Variants in LMX1B observed in about 807,000 individuals in gnomAD.
The protein encoded by LMX1B is LIM homeobox transcription factor 1 beta.
LMX1B carries 12 observed loss-of-function variants against 51.4 expected under a neutral mutation model. That is an observed-to-expected ratio of 0.23 (90% CI 0.15 to 0.38). The LOEUF is 0.38. Ranked by LOEUF, LMX1B falls within the 10% of genes least tolerant of loss-of-function variation. LMX1B has a pLI of 1.00. For synonymous variants in LMX1B, 237 were observed against 235.4 expected (o/e 1.01, Z -0.06); for missense variants, 445 against 571.1 (o/e 0.78, Z 2.25).
rs949725982 is a variant in LMX1B, at chr9:126,695,418, C to T, written c.887-421C>T. 2.0e-5 allele frequency among the ~76,000 whole-genome samples: 3 copies of T among 152,226 alleles called. No individual in the cohort carries two copies. Among genetic ancestry groups the T allele is most frequent in the Non-Finnish European group, 2.9e-5 (2 of 68,046 alleles). The stretch of plus-strand genomic sequence containing the variant: ...TGCCGCCCCTCAGCCTGGCTTGCCT[C>T]CCCTGCTCTGGCCTGTTGAGCCCCT... On this transcript the variant is annotated intron_variant, in intron 6 of 7. Transcript: ENST00000373474. This position sits in a 1 kb window ranked among gnomAD's most constrained non-coding sequence, Gnocchi z 5.2.
chr9:126,623,253 G>A (rs376504045), intron 2 of LMX1B, among the ~76,000 whole-genome samples: 2 of 152,204 alleles, frequency 1.3e-5, no homozygotes, highest in Admixed American at 1.3e-4. Flanking sequence ...GCTGCTCCTC[G>A]GAGCCAAGGC....
At chr9:126,638,253 A>G (rs2118875189) in intron 2 of LMX1B, among the ~76,000 whole-genome samples, 2 of 152,208 alleles carry the variant, frequency 1.3e-5, no homozygotes, top group South Asian at 4.2e-4. Flanking sequence ...GTGCCCTCCC[A>G]GGTGCACCTG....
Position 126,614,575 on chromosome 9 carries a change from G to A in LMX1B, c.126G>A (p.Leu42=), listed in dbSNP as rs1323440371. 2 of 1,601,140 alleles carry A rather than the reference G, an allele frequency of 1.2e-6. No individual in the cohort carries two copies. Among genetic ancestry groups the A allele is most frequent in the South Asian group, 1.1e-5 (1 of 89,286 alleles). Residue 42 remains leucine (L), a synonymous_variant, in exon 1 of 8, where the codon CTG becomes CTA. Transcript: ENST00000373474. Reference sequence around the variant, plus strand: ...CCCTGCGCCCCGGGCCCGCCACTCTGGGGGTGCTGCTGGGTGAGTGCGGGG... The same window carrying A: ...CCCTGCGCCCCGGGCCCGCCACTCTAGGGGTGCTGCTGGGTGAGTGCGGGG... ...EHALRPGPAT[L]GVLLGSDCPH...
intron 2 of LMX1B, among the ~76,000 whole-genome samples, chr9:126,632,138 C>G (rs957866459): frequency 2.0e-5 from 3 of 152,218 alleles, no homozygotes; most frequent in African/African-American, 7.2e-5. Flanking sequence ...ACGTAAAGAA[C>G]CTACCTTCCA....
chr9:126,639,690 G>A (rs764488554), intron 2 of LMX1B, among the ~76,000 whole-genome samples: 28 of 152,202 alleles, frequency 1.8e-4, no homozygotes, highest in Non-Finnish European at 3.4e-4. Flanking sequence ...AGCTGTTAGT[G>A]ACTGGGGAGG....
chr9:126,668,934 C>T (rs10121527), intron 2 of LMX1B, among the ~76,000 whole-genome samples: 70,286 of 152,016 alleles, frequency 0.46, 16,557 homozygotes, highest in African/African-American at 0.54. Context: ...AAAAGCATGC[C>T]GCACTTGCCC....
intron 7 of LMX1B, 119 bp from the exon 8 acceptor site, chr9:126,696,175 C>G: frequency 8.2e-7 from 1 of 1,216,536 alleles, no homozygotes; most frequent in South Asian, 1.2e-5. Flanking sequence ...TTGGCCGGCA[C>G]TAGTCAGCAG....
In LMX1B at chr9:126,695,788, G is replaced by A. The variant is rs748516685; in HGVS notation, c.887-51G>A. On this transcript the variant is annotated intron_variant, in intron 6 of 7. Coordinates refer to ENST00000373474, the MANE Select transcript of LMX1B (RefSeq NM_001174147.2). This position sits in a 1 kb window ranked among gnomAD's most constrained non-coding sequence, Gnocchi z 5.2. ...CAGAAGGGGAGGCTGCTGGGGTGTA[G>A]CTGGGAGGGCGTGGACCAGGCCAGG... 2 of 1,603,038 alleles carry A rather than the reference G, an allele frequency of 1.2e-6. No homozygotes were observed. Among genetic ancestry groups the A allele is most frequent in the Non-Finnish European group, 1.7e-6 (2 of 1,173,682 alleles).
At chr9:126,624,841 T>C (rs1306828200) in intron 2 of LMX1B, among the ~76,000 whole-genome samples, 4 of 151,962 alleles carry the variant, frequency 2.6e-5, no homozygotes. Context: ...ATGCCAATTA[T>C]AGGCGAGCCA....
In LMX1B at chr9:126,696,541, C is replaced by A; in HGVS notation, c.*90C>A. The A allele has an allele frequency of 1.4e-6, 2 of 1,475,258 alleles. No homozygotes were observed. Among genetic ancestry groups the A allele is most frequent in the Non-Finnish European group, 1.9e-6 (2 of 1,060,258 alleles). 91.4% of individuals were successfully genotyped at this position (1,475,258 alleles called of 1,614,324 possible). On this transcript the variant is annotated 3_prime_UTR_variant, in exon 8 of 8. Transcript: ENST00000373474. The stretch of plus-strand genomic sequence containing the variant: ...GCCTGGCCACCCCCGCCCTGCTCTC[C>A]GCACAGACTACAGACAGCCATACGG...
intron 2 of LMX1B, among the ~76,000 whole-genome samples, chr9:126,642,438 C>T (rs1013843963): frequency 2.0e-5 from 3 of 152,168 alleles, no homozygotes; most frequent in African/African-American, 7.2e-5. Context: ...CCCACACTCC[C>T]ACTTCCCCTG....
In LMX1B at chr9:126,641,394, GCA is replaced by G. The variant is rs1401393597; in HGVS notation, c.326+25828_326+25829del. The G allele has an allele frequency of 6.6e-6, 1 of 152,206 alleles. No individual in the cohort carries two copies. The highest frequency in any genetic ancestry group is 2.4e-5 in the African/African-American group (1 of 41,436). The allele number at this position is 152,206 out of a possible 1,614,324, so 9.4% of individuals were successfully genotyped here. A position where few individuals can be genotyped will look rare whatever the true frequency, so the allele number is the denominator to read the frequency against. ...CCATCAGTATCCTCATCTTATGGAG[GCA>G]CAGACTGAGGCTCTGAGAGTTTTAT... On this transcript the variant is annotated intron_variant, in intron 2 of 7. Transcript: ENST00000373474. The surrounding 1 kb of genome is among the most constrained non-coding windows in gnomAD (Gnocchi z 4.1).
chr9:126,693,825 CG>C lies in LMX1B; in HGVS notation c.886+17del. 1 of 1,199,722 alleles carries C rather than the reference CG, an allele frequency of 8.3e-7. No individual in the cohort carries two copies. The allele number at this position is 1,199,722 out of a possible 1,614,324, so 74.3% of individuals were successfully genotyped here. On this transcript the variant is annotated intron_variant, in intron 6 of 7. Coordinates refer to ENST00000373474, the MANE Select transcript of LMX1B (RefSeq NM_001174147.2). ...CGGCTGGGCCAGGGTGAGCCGGGGC[CG>C]GGGCAGGGCCTGGGCCAGGGTGAGC...
At chr9:126,693,486 C>G (rs1427037612) in intron 4 of LMX1B, 38 bp from the exon 5 acceptor site, 3 of 1,607,664 alleles carry the variant, frequency 1.9e-6, no homozygotes, top group Admixed American at 1.7e-5. Context: ...CGTTGCTGCC[C>G]CTGGAGGGCC....
rs932127675 is a variant in LMX1B at position 126,618,147 on chromosome 9, G to A, written c.326+2578G>A. On this transcript the variant is annotated intron_variant, in intron 2 of 7. Transcript: ENST00000373474. The surrounding 1 kb of genome is among the most constrained non-coding windows in gnomAD (Gnocchi z 4.5). ...TCCAAGCAAGCGGGCGCAGAAACGT[G>A]CCTTCTTGATATTGTCGAGTCTGTG... 2.1e-4 allele frequency among the ~76,000 whole-genome samples: 32 copies of A among 152,120 alleles called. No individual in the cohort carries two copies. The highest frequency in any genetic ancestry group is 7.2e-4 in the African/African-American group (30 of 41,422).
rs777642309 is a variant in LMX1B, at chr9:126,658,738, A to G, written c.327-32098A>G. Among the ~76,000 whole-genome samples, 28 of 152,252 alleles carry G rather than the reference A, an allele frequency of 1.8e-4. No homozygotes were observed. The highest frequency in any genetic ancestry group is 3.5e-4 in the Non-Finnish European group (24 of 68,044). On this transcript the variant is annotated intron_variant, in intron 2 of 7. Transcript: ENST00000373474. The surrounding 1 kb of genome is among the most constrained non-coding windows in gnomAD (Gnocchi z 4.0). Reference sequence around the variant, plus strand: ...TTTGTCATCCACTTTGCTTAAGATAAATGCCGAACAAATAATCAAATTATC... The same window carrying G: ...TTTGTCATCCACTTTGCTTAAGATAGATGCCGAACAAATAATCAAATTATC...
At chr9:126,639,617 T>G (rs969606804) in intron 2 of LMX1B, among the ~76,000 whole-genome samples, 1 of 152,156 alleles carries the variant, frequency 6.6e-6, no homozygotes, top group South Asian at 2.1e-4. Flanking sequence ...CCCCTGTTAT[T>G]GCCGCAGCCT....
chr9:126,644,903 C>A (rs1425519542), intron 2 of LMX1B, among the ~76,000 whole-genome samples: 1 of 152,172 alleles, frequency 6.6e-6, no homozygotes, highest in Non-Finnish European at 1.5e-5. Flanking sequence ...CTGTTGAGTT[C>A]CTCAGAATCC....
chr9:126,625,122 C>T lies in LMX1B; in HGVS notation c.326+9553C>T, dbSNP rs1340120504. 2.6e-5 allele frequency among the ~76,000 whole-genome samples: 4 copies of T among 152,220 alleles called. No homozygotes were observed. Among genetic ancestry groups the T allele is most frequent in the Non-Finnish European group, 4.4e-5 (3 of 68,034 alleles). On this transcript the variant is annotated intron_variant, in intron 2 of 7. Coordinates refer to ENST00000373474, the MANE Select transcript of LMX1B (RefSeq NM_001174147.2). The surrounding 1 kb of genome is among the most constrained non-coding windows in gnomAD (Gnocchi z 5.3). ...TCCTAATCCCCTTATTCATGTCAAG[C>T]ACAGAAAAGAAGCCGAGCACCTTAC...
Sources: gnomAD v4.1 joint callset for allele counts (sites outside exome capture counted in the v4.1 genomes callset) on GRCh38, gnomAD v4.1.1 for gene constraint, Gnocchi (gnomAD v3.1) non-coding constraint, MANE v1.5 for transcripts, NCBI Gene and HGNC (gene_info 2026-07-23, HGNC 2026-07-21) for gene names.